The following ANGPTL1 variants were observed in gnomAD, a reference collection of about 807,000 sequenced individuals.
The protein encoded by ANGPTL1 is angiopoietin like 1.
Under a neutral mutation model 46.7 loss-of-function variants are expected in ANGPTL1, and 36 were observed. The ratio of observed to expected loss-of-function variants is 0.77; its 90% CI spans 0.59 to 1.02. The LOEUF is 1.02. Ranked by LOEUF, ANGPTL1 falls within the 50% of genes least tolerant of loss-of-function variation. ANGPTL1 has a pLI of 0.00. For missense variants in ANGPTL1, 571 were observed against 594.7 expected, an observed-to-expected ratio of 0.96 and a Z score of 0.41; for synonymous variants, 221 against 204.3, an observed-to-expected ratio of 1.08 and a Z score of -0.69.
At chr1:178,855,054 A>G (rs1017957591) in intron 3 of ANGPTL1, among the ~76,000 whole-genome samples, 6 of 152,276 alleles carry the variant, frequency 3.9e-5, no homozygotes, top group Middle Eastern at 3.4e-3. Flanking sequence ...ATATTTTACT[A>G]GAAATATGTG....
intron 3 of ANGPTL1, among the ~76,000 whole-genome samples, chr1:178,856,194 GAGAGAGAGATATATAT>G (rs1461471019): frequency 5.0e-5 from 5 of 99,198 alleles, no homozygotes; most frequent in African/African-American, 1.6e-4. Flanking sequence ...CTTTTCCAGA[GAGAGAGAGATATATAT>G]ATATATATAT....
At chr1:178,852,983 T>C in intron 4 of ANGPTL1, 30 bp from the exon 5 acceptor site, 1 of 1,580,838 alleles carries the variant, frequency 6.3e-7, no homozygotes, top group Non-Finnish European at 8.6e-7. Flanking sequence ...CATGAGTGCA[T>C]AAATAAGTAT....
At position 178,852,775 on chromosome 1, in the gene ANGPTL1, A is replaced by G. The variant is rs767763090; in HGVS notation, c.1196T>C (p.Leu399Pro). 6.2e-7 allele frequency: 1 copy of G among 1,613,948 alleles called. No individual in the cohort carries two copies. The highest frequency in any genetic ancestry group is 1.7e-5 in the Admixed American group (1 of 59,990). ...EPESEFYRLR[L>P]GTYQGNAGDS... ...CCCTGCATTTCCCTGGTAAGTTCCC[A>G]GGCGCAGTCTATAGAATTCACTTTC... is the stretch of plus-strand genomic sequence containing the variant. Residue 399 changes from leucine (L) to proline (P), a missense_variant, in exon 5 of 6, where the codon CTG becomes CCG. Coordinates refer to ENST00000234816, the MANE Select transcript of ANGPTL1 (RefSeq NM_004673.4).
chr1:178,859,694 A>G (rs917899672), intron 3 of ANGPTL1, among the ~76,000 whole-genome samples: 126 of 124,440 alleles, frequency 1.0e-3, no homozygotes, highest in African/African-American at 3.8e-3. Flanking sequence ...TACACGAAGC[A>G]CTTTTTTTTT....
At position 178,853,539 on chromosome 1, in the gene ANGPTL1, A is replaced by G. The variant is rs1309918161; in HGVS notation, c.1017+55T>C. Reference sequence around the variant, plus strand: ...TATTGCATAGCATCTTGTTTCTTGCATTATTGCAAGAATGGATTTGTTTTA... The same window carrying G: ...TATTGCATAGCATCTTGTTTCTTGCGTTATTGCAAGAATGGATTTGTTTTA... On this transcript the variant is annotated intron_variant, in intron 4 of 5. Transcript: ENST00000234816. The G allele has an allele frequency of 3.0e-6, 4 of 1,345,342 alleles. No homozygotes were observed. The African/African-American group carries it at 4.5e-5, about 15-fold the overall frequency. The allele number at this position is 1,345,342 out of a possible 1,614,324, so 83.3% of individuals were successfully genotyped here. A position where few individuals can be genotyped will look rare whatever the true frequency, so the allele number is the denominator to read the frequency against.
At chr1:178,856,721 T>A (rs1657612734) in intron 3 of ANGPTL1, among the ~76,000 whole-genome samples, 1 of 152,140 alleles carries the variant, frequency 6.6e-6, no homozygotes, top group Non-Finnish European at 1.5e-5. Flanking sequence ...TAACACATAA[T>A]TGTAGCTTAT....
rs187745302 is a variant in ANGPTL1 at position 178,849,668 on chromosome 1, A to G, written c.*1461T>C. On this transcript the variant is annotated 3_prime_UTR_variant, in exon 6 of 6. Coordinates refer to ENST00000234816, the MANE Select transcript of ANGPTL1 (RefSeq NM_004673.4). ...TGGAGAGGGACTGAAAAACCAGTTT[A>G]AGATGACCACAGGTAAAACAAAGAA... 1.3e-5 allele frequency: 2 copies of G among 152,334 alleles called. No homozygotes were observed. The highest frequency in any genetic ancestry group is 1.3e-4 in the Admixed American group (2 of 15,310). The allele number at this position is 152,334 out of a possible 1,614,324, so 9.4% of individuals were successfully genotyped here.
chr1:178,863,645 G>A (rs2102331206), intron 3 of ANGPTL1, among the ~76,000 whole-genome samples: 1 of 152,292 alleles, frequency 6.6e-6, no homozygotes, highest in African/African-American at 2.4e-5. Flanking sequence ...GGTTAAATCA[G>A]GAGGGAGAGC....
Position 178,865,254 on chromosome 1 carries a change from G to C in ANGPTL1, c.523C>G (p.Leu175Val). ...GTCAAGGAAGCGTATTTCACCTCTA[G>C]TTCCCTGTATCTTGTTGCCATCTTC... Reference protein sequence around the residue: ...MLKMATRYRELEVKYASLTDL... With the variant: ...MLKMATRYREVEVKYASLTDL... Residue 175 changes from leucine to valine, a missense_variant, in exon 3 of 6, where the codon CTA becomes GTA. Physicochemically the swap from Leu to Val is conservative, Grantham distance 32. Transcript: ENST00000234816. 6.2e-7 allele frequency: 1 copy of C among 1,614,110 alleles called. No individual in the cohort carries two copies. Among genetic ancestry groups the C allele is most frequent in the Non-Finnish European group, 8.5e-7 (1 of 1,179,990 alleles).
In ANGPTL1 at chr1:178,853,711, G is replaced by C; in HGVS notation, c.900C>G (p.Asn300Lys). The change falls in exon 4 of 6, where the codon AAC (asparagine) becomes AAG (lysine). Residue 300 changes from asparagine to lysine, a missense_variant. Asn to Lys is a moderately conservative substitution (Grantham distance 94, BLOSUM62 0). Transcript: ENST00000234816. ...ACCATAACTGCATTGGTCCATTGCT[G>C]TTTTCAGGTTTAATCATATAAATCC... is the stretch of plus-strand genomic sequence containing the variant. ...VSGIYMIKPENSNGPMQLWCE... is the reference protein window; with the variant it reads ...VSGIYMIKPEKSNGPMQLWCE... 6.2e-7 allele frequency: 1 copy of C among 1,612,258 alleles called. No homozygotes were observed. The highest frequency in any genetic ancestry group is 1.3e-5 in the African/African-American group (1 of 74,858).
chr1:178,865,468 T>C lies in ANGPTL1; in HGVS notation c.309A>G (p.Gln103=), dbSNP rs34106916. ...TGTTTCCATCTACATCCACCACCAG[T>C]TGCAGAACATCTATCTCCCGCTTCT... is the stretch of plus-strand genomic sequence containing the variant. ...SRQKREIDVL[Q]LVVDVDGNIV... Residue 103 remains glutamine (Q), a synonymous_variant, in exon 3 of 6, where the codon CAA becomes CAG. Transcript: ENST00000234816. The C allele has an allele frequency of 3.0e-3, 4,868 of 1,614,074 alleles. 23 individuals are homozygous for C. Among genetic ancestry groups the C allele is most frequent in the Middle Eastern group, 0.014 (83 of 6,062 alleles).
Position 178,865,478 on chromosome 1 carries a change from T to G in ANGPTL1, c.299A>C (p.Asp100Ala). The G allele has an allele frequency of 6.2e-7, 1 of 1,614,084 alleles. No homozygotes were observed. ...DVLSRQKREIDVLQLVVDVDG... is the reference protein window; with the variant it reads ...DVLSRQKREIAVLQLVVDVDG... Reference sequence around the variant, plus strand: ...TACATCCACCACCAGTTGCAGAACATCTATCTCCCGCTTCTGCCTGGAGAG... The same window carrying G: ...TACATCCACCACCAGTTGCAGAACAGCTATCTCCCGCTTCTGCCTGGAGAG... The change falls in exon 3 of 6, where the codon GAT (aspartate) becomes GCT (alanine). Residue 100 changes from aspartate to alanine, a missense_variant. Physicochemically the swap from Asp to Ala is moderately radical, Grantham distance 126 (BLOSUM62 -2). Coordinates refer to ENST00000234816, the MANE Select transcript of ANGPTL1 (RefSeq NM_004673.4).
intron 3 of ANGPTL1, among the ~76,000 whole-genome samples, chr1:178,863,959 C>T (rs1008768776): frequency 6.6e-6 from 1 of 152,026 alleles, no homozygotes; most frequent in Non-Finnish European, 1.5e-5. Flanking sequence ...TATGTCCTGC[C>T]TTTTCAATAA....
At chr1:178,863,686 T>C (rs1460637964) in intron 3 of ANGPTL1, among the ~76,000 whole-genome samples, 1 of 152,186 alleles carries the variant, frequency 6.6e-6, no homozygotes, top group Non-Finnish European at 1.5e-5. Context: ...GCAGTGGTGA[T>C]ACTTGAAGCC....
chr1:178,858,586 G>A (rs574943146), intron 3 of ANGPTL1, among the ~76,000 whole-genome samples: 2 of 152,232 alleles, frequency 1.3e-5, no homozygotes, highest in South Asian at 4.1e-4. Flanking sequence ...CTGGAATTCT[G>A]TACATTGAAT....
At position 178,865,822 on chromosome 1, in the gene ANGPTL1, TGAA is replaced by T; in HGVS notation, c.-26-23_-26-21del. On this transcript the variant is annotated intron_variant, in intron 2 of 5. Transcript: ENST00000234816. Reference sequence around the variant, plus strand: ...TGATGTCTTTTGAAAAACAAATCAGTGAAGGAGAAAAAGCAAAAAGAATTCATA... The same window carrying T: ...TGATGTCTTTTGAAAAACAAATCAGTGGAGAAAAAGCAAAAAGAATTCATA... 6.9e-7 allele frequency: 1 copy of T among 1,440,716 alleles called. No individual in the cohort carries two copies. The highest frequency in any genetic ancestry group is 9.3e-7 in the Non-Finnish European group (1 of 1,072,140). 89.2% of individuals were successfully genotyped at this position (1,440,716 alleles called of 1,614,324 possible). A position where few individuals can be genotyped will look rare whatever the true frequency, so the allele number is the denominator to read the frequency against.
chr1:178,860,258 A>G (rs1405313612), intron 3 of ANGPTL1, among the ~76,000 whole-genome samples: 1 of 145,714 alleles, frequency 6.9e-6, no homozygotes, highest in Non-Finnish European at 1.6e-5. Context: ...CATTGATTGC[A>G]GCTTGTCAGG....
chr1:178,864,702 G>C (rs556917101), intron 3 of ANGPTL1, among the ~76,000 whole-genome samples: 6 of 152,174 alleles, frequency 3.9e-5, no homozygotes, highest in African/African-American at 1.4e-4. Context: ...GTAGCCCCTC[G>C]ATCATAAGAA....
At chr1:178,861,170 G>A (rs994678228) in intron 3 of ANGPTL1, among the ~76,000 whole-genome samples, 2 of 152,072 alleles carry the variant, frequency 1.3e-5, no homozygotes, top group Non-Finnish European at 2.9e-5. Flanking sequence ...TCCCTTATAT[G>A]TTCATTAATG....
Sources: gnomAD v4.1 joint callset for allele counts (sites outside exome capture counted in the v4.1 genomes callset) on GRCh38, gnomAD v4.1.1 for gene constraint, MANE v1.5 for transcripts, NCBI Gene and HGNC (gene_info 2026-07-23, HGNC 2026-07-21) for gene names.